Variants in BUB3 observed in about 807,000 individuals in gnomAD.
BUB3 encodes the protein mitotic checkpoint protein BUB3.
In BUB3, 22 loss-of-function variants were observed where a neutral mutation model predicts 39.9. That is an observed-to-expected ratio of 0.55 (90% CI 0.39 to 0.79). The LOEUF is 0.79. Among genes scored for constraint, BUB3 ranks in the 30% least tolerant of loss-of-function variants. The pLI is 0.00. For synonymous variants in BUB3, 168 were observed against 155.1 expected, an observed-to-expected ratio of 1.08 and a Z score of -0.62; for missense variants, 303 against 415.4, an observed-to-expected ratio of 0.73 and a Z score of 2.35.
intron 3 of BUB3, among the ~76,000 whole-genome samples, chr10:123,157,219 T>G (rs1844361611): frequency 6.6e-6 from 1 of 152,230 alleles, no homozygotes; most frequent in Non-Finnish European, 1.5e-5. Flanking sequence ...CACTCCCAGT[T>G]CTCATAACCC....
chr10:123,157,585 C>A, intron 3 of BUB3, 144 bp from the exon 4 acceptor site: 1 of 879,214 alleles, frequency 1.1e-6, no homozygotes, highest in Non-Finnish European at 1.6e-6. Flanking sequence ...ATTTTTCTGT[C>A]TGTAGTAGAC....
In BUB3 at chr10:123,169,092, G is replaced by A. The variant is rs75933581; in HGVS notation, c.*5257G>A. 0.045 allele frequency: 6,795 copies of A among 152,376 alleles called. 230 individuals are homozygous for A. The highest frequency in any genetic ancestry group is 0.061 in the Non-Finnish European group (4,183 of 68,060). The allele number at this position is 152,376 out of a possible 1,614,324, so 9.4% of individuals were successfully genotyped here. On this transcript the variant is annotated 3_prime_UTR_variant, in exon 8 of 8. Transcript: ENST00000368865. ...ATTTGCACCCCCAGGTATCATGTGG[G>A]CAGGTGCTCCATGTGGCTGGTGATA... is the stretch of plus-strand genomic sequence containing the variant.
In BUB3 at chr10:123,165,709, G is replaced by A. The variant is rs1171380374; in HGVS notation, c.*1874G>A. 1 of 152,166 alleles carries A rather than the reference G, an allele frequency of 6.6e-6. No individual in the cohort carries two copies. The highest frequency in any genetic ancestry group is 1.5e-5 in the Non-Finnish European group (1 of 68,120). The allele number at this position is 152,166 out of a possible 1,614,324, so 9.4% of individuals were successfully genotyped here. On this transcript the variant is annotated 3_prime_UTR_variant, in exon 8 of 8. Coordinates refer to ENST00000368865, the MANE Select transcript of BUB3 (RefSeq NM_004725.4). Reference sequence around the variant, plus strand: ...CTAGTGCCAGCGCAGTAGTGCTTAGGTAGCTTGTGCATCCCCGTGTTGATG... The same window carrying A: ...CTAGTGCCAGCGCAGTAGTGCTTAGATAGCTTGTGCATCCCCGTGTTGATG...
chr10:123,155,167 G>C, intron 2 of BUB3, 55 bp downstream of exon 2: 2 of 1,557,124 alleles, frequency 1.3e-6, no homozygotes, highest in South Asian at 2.4e-5. Flanking sequence ...GATTCTCCAC[G>C]TGAGGAGCGT....
chr10:123,162,877 G>A, intron 7 of BUB3, 49 bp downstream of exon 7: 1 of 1,541,476 alleles, frequency 6.5e-7, no homozygotes, highest in Non-Finnish European at 8.9e-7. Context: ...TTCAACCCAG[G>A]ATTTATTAAT....
chr10:123,159,280 C>T (rs949561865), intron 4 of BUB3, among the ~76,000 whole-genome samples: 1 of 152,192 alleles, frequency 6.6e-6, no homozygotes, highest in African/African-American at 2.4e-5. Context: ...CTTGGTTCTT[C>T]AGCTGATGGT....
Position 123,164,966 on chromosome 10 carries a change from GTCT to G in BUB3, c.*1133_*1135del. 3 of 1,510,866 alleles carry G rather than the reference GTCT, an allele frequency of 2.0e-6. No homozygotes were observed. The highest frequency in any genetic ancestry group is 2.6e-6 in the Non-Finnish European group (3 of 1,144,804). 93.6% of individuals were successfully genotyped at this position (1,510,866 alleles called of 1,614,324 possible). ...TTTAATTCTTTTGATACAGAGAAGG[GTCT>G]TTTTTTTTTTAAGTATTTCAGTGAA... On this transcript the variant is annotated 3_prime_UTR_variant, in exon 8 of 8. Coordinates refer to ENST00000368865, the MANE Select transcript of BUB3 (RefSeq NM_004725.4).
At position 123,165,007 on chromosome 10, in the gene BUB3, G is replaced by A. The variant is rs558050542; in HGVS notation, c.*1172G>A. 2.2e-5 allele frequency: 36 copies of A among 1,610,798 alleles called. No homozygotes were observed. The highest frequency in any genetic ancestry group is 3.0e-5 in the Non-Finnish European group (35 of 1,178,782). On this transcript the variant is annotated 3_prime_UTR_variant, in exon 8 of 8. Coordinates refer to ENST00000368865, the MANE Select transcript of BUB3 (RefSeq NM_004725.4). ...GTATTTCAGTGAAAACTTGGTGTAA[G>A]TCTGAACCCATCTTTTGAAATGTAT... is the stretch of plus-strand genomic sequence containing the variant.
intron 4 of BUB3, 103 bp from the exon 5 acceptor site, chr10:123,160,304 C>G: frequency 9.3e-7 from 1 of 1,072,308 alleles, no homozygotes; most frequent in African/African-American, 1.6e-5. Flanking sequence ...ATTCAGTCAG[C>G]TAATTTTTTA....
rs749542614 is a variant in BUB3 at position 123,167,640 on chromosome 10, C to A, written c.*3805C>A. 7.2e-5 allele frequency: 11 copies of A among 152,106 alleles called. No homozygotes were observed. The highest frequency in any genetic ancestry group is 1.3e-4 in the Non-Finnish European group (9 of 68,022). The allele number at this position is 152,106 out of a possible 1,614,324, so 9.4% of individuals were successfully genotyped here. ...TAGACATCTTGTCCAGTGCACTAGA[C>A]AGGTGACCTTTGGCTTTGTTCATTA... On this transcript the variant is annotated 3_prime_UTR_variant, in exon 8 of 8. Transcript: ENST00000368865.
rs185789495 is a variant in BUB3, at chr10:123,167,095, C to T, written c.*3260C>T. 10 of 152,276 alleles carry T rather than the reference C, an allele frequency of 6.6e-5. No homozygotes were observed. The highest frequency in any genetic ancestry group is 3.4e-3 in the Middle Eastern group (1 of 294). The allele number at this position is 152,276 out of a possible 1,614,324, so 9.4% of individuals were successfully genotyped here. A position where few individuals can be genotyped will look rare whatever the true frequency, so the allele number is the denominator to read the frequency against. ...TGTAAATTTGTTTAACTCAGTTTTC[C>T]CCAAATTCATTTAAGCCGGTTCTAC... On this transcript the variant is annotated 3_prime_UTR_variant, in exon 8 of 8. Transcript: ENST00000368865.
intron 5 of BUB3, among the ~76,000 whole-genome samples, chr10:123,161,149 T>G (rs1844418067): frequency 6.6e-6 from 1 of 152,170 alleles, no homozygotes. Context: ...AGCCTGTTTA[T>G]TAGTGAGCTC....
chr10:123,170,271 A>G lies in BUB3; in HGVS notation c.*6436A>G, dbSNP rs1383233906. On this transcript the variant is annotated 3_prime_UTR_variant, in exon 8 of 8. Coordinates refer to ENST00000368865, the MANE Select transcript of BUB3 (RefSeq NM_004725.4). The stretch of plus-strand genomic sequence containing the variant: ...CTTTTTAGATTCTTTTTTCTTTTAC[A>G]TGATGTAGTTCTCAGATATATACGG... 6.6e-6 allele frequency: 1 copy of G among 152,166 alleles called. No individual in the cohort carries two copies. Among genetic ancestry groups the G allele is most frequent in the African/African-American group, 2.4e-5 (1 of 41,424 alleles). 9.4% of individuals were successfully genotyped at this position (152,166 alleles called of 1,614,324 possible). A position where few individuals can be genotyped will look rare whatever the true frequency, so the allele number is the denominator to read the frequency against.
At chr10:123,163,550 A>G (rs1042501444) in intron 7 of BUB3, among the ~76,000 whole-genome samples, 19 of 152,240 alleles carry the variant, frequency 1.2e-4, no homozygotes, top group African/African-American at 4.3e-4. Context: ...ACATATTTGT[A>G]GAATAACTGA....
chr10:123,160,425 T>A lies in BUB3; in HGVS notation c.436T>A (p.Ser146Thr), dbSNP rs879711835. The change falls in exon 5 of 8, where the codon TCT becomes ACT. Residue 146 changes from serine (S) to threonine (T), a missense_variant. This residue lies in a region of BUB3 where 182 missense variants were observed against 293.1 expected (regional missense o/e 0.62). Transcript: ENST00000368865. ...QPEKVYTLSV[S>T]GDRLIVGTAG... The stretch of plus-strand genomic sequence containing the variant: ...TTAAAAGGTATATACCCTCTCAGTG[T>A]CTGGAGACCGGCTGATTGTGGGAAC... The A allele has an allele frequency of 2.3e-5, 37 of 1,607,286 alleles. No individual in the cohort carries two copies. The highest frequency in any genetic ancestry group is 3.1e-5 in the Non-Finnish European group (37 of 1,178,304).
In BUB3 at chr10:123,162,706, C is replaced by G. The variant is rs762530204; in HGVS notation, c.849C>G (p.Ala283=). The change falls in exon 7 of 8, where the codon GCC becomes GCG. Residue 283 remains alanine, a synonymous_variant. Coordinates refer to ENST00000368865, the MANE Select transcript of BUB3 (RefSeq NM_004725.4). ...ACCCCACGAGCATCGCATCACTTGCCTTCAGTAATGATGGGACTACGCTTG... is the reference window on the plus strand; with the variant it reads ...ACCCCACGAGCATCGCATCACTTGCGTTCAGTAATGATGGGACTACGCTTG... ...HRYPTSIASL[A]FSNDGTTLAI... is the part of the protein sequence containing the mutation. 6.2e-7 allele frequency: 1 copy of G among 1,612,938 alleles called. No homozygotes were observed. The highest frequency in any genetic ancestry group is 8.5e-7 in the Non-Finnish European group (1 of 1,179,684).
chr10:123,155,834 T>A, intron 3 of BUB3, 107 bp downstream of exon 3: 1 of 999,452 alleles, frequency 1.0e-6, no homozygotes, highest in Non-Finnish European at 1.6e-6. Context: ...CTAAGTTGCT[T>A]AAGTACAGGT....
intron 4 of BUB3, among the ~76,000 whole-genome samples, chr10:123,158,927 T>C (rs1045474277): frequency 6.6e-6 from 1 of 152,174 alleles, no homozygotes; most frequent in African/African-American, 2.4e-5. Flanking sequence ...TTATGATCAG[T>C]GGGGATAGAA....
intron 3 of BUB3, among the ~76,000 whole-genome samples, chr10:123,157,041 C>A (rs1844358769): frequency 6.6e-6 from 1 of 152,078 alleles, no homozygotes; most frequent in South Asian, 2.1e-4. Context: ...CAGGTCAGGA[C>A]CATATATTGT....
Sources: allele counts gnomAD v4.1 joint callset (sites outside exome capture counted in the v4.1 genomes callset), GRCh38; gene constraint gnomAD v4.1.1; regional missense constraint gnomAD v4.1.1; transcripts MANE v1.5; gene names NCBI Gene and HGNC (gene_info 2026-07-23, HGNC 2026-07-21).